EDN1: variants seen among roughly 807,000 people sequenced by gnomAD.
EDN1 encodes the protein endothelin 1, also known as endothelin-1.
In EDN1, 11 loss-of-function variants were observed where a neutral mutation model predicts 21.7. That is an observed-to-expected ratio of 0.51 (90% CI 0.32 to 0.84). The LOEUF (loss-of-function observed/expected upper bound fraction) is 0.84, where lower values mean the gene tolerates loss of function less well. Among genes scored for constraint, EDN1 ranks in the 40% least tolerant of loss-of-function variants. The pLI is 0.03. For missense variants in EDN1, 244 were observed against 262.3 expected (o/e 0.93, Z 0.48); for synonymous variants, 85 against 90.6 (o/e 0.94, Z 0.35).
chr6:12,295,681 C>T (rs1369527630), intron 4 of EDN1, among the ~76,000 whole-genome samples: 1 of 152,120 alleles, frequency 6.6e-6, no homozygotes, highest in African/African-American at 2.4e-5. Flanking sequence ...ACGGAAGAAA[C>T]CAGAACAACT....
At chr6:12,258,071 G>C in the EDN1 span, among the ~76,000 whole-genome samples, 1 of 152,074 alleles carries the variant, frequency 6.6e-6, no homozygotes, top group Non-Finnish European at 1.5e-5. Flanking sequence ...TGCTTTGGAA[G>C]AAATGCTGCA....
the EDN1 span, among the ~76,000 whole-genome samples, chr6:12,247,138 G>A: frequency 6.6e-6 from 1 of 152,214 alleles, no homozygotes. Context: ...TTGTCATGTC[G>A]GCTGTGTAAA....
At chr6:12,287,787 G>A (rs1454498400), upstream of EDN1, among the ~76,000 whole-genome samples, 10 of 145,924 alleles carry the variant, frequency 6.9e-5, no homozygotes, top group Non-Finnish European at 1.2e-4. Flanking sequence ...CACACGTCTT[G>A]CAAATTCAGG....
chr6:12,283,529 C>T, the EDN1 span, among the ~76,000 whole-genome samples: 30,757 of 151,980 alleles, frequency 0.2, 3,379 homozygotes, highest in South Asian at 0.33. Context: ...CTTTTAATGG[C>T]GACACAGTCC....
chr6:12,259,269 G>T, the EDN1 span, among the ~76,000 whole-genome samples: 2 of 151,788 alleles, frequency 1.3e-5, no homozygotes, highest in African/African-American at 4.8e-5. Context: ...CAAATATAAT[G>T]CTAGGAAACC....
At chr6:12,284,327 A>T in the EDN1 span, among the ~76,000 whole-genome samples, 1 of 152,124 alleles carries the variant, frequency 6.6e-6, no homozygotes, top group Non-Finnish European at 1.5e-5. Flanking sequence ...ATTTTGCTTA[A>T]TTTTTTGCCA....
the EDN1 span, among the ~76,000 whole-genome samples, chr6:12,272,288 G>C: frequency 6.6e-6 from 1 of 152,058 alleles, no homozygotes; most frequent in South Asian, 2.1e-4. Flanking sequence ...CAGATATAGG[G>C]TGAGGAGTGG....
intron 2 of EDN1, 83 bp from the exon 3 acceptor site, chr6:12,293,858 C>T: frequency 3.3e-6 from 5 of 1,496,142 alleles, no homozygotes; most frequent in Non-Finnish European, 4.6e-6. Context: ...TCCTTGTGTG[C>T]CCAGTGGAAT....
In EDN1 at chr6:12,292,413, GGCTCCGCCGGTCCAAGCGCT is replaced by G. The variant is rs770796983; in HGVS notation, c.143_162del (p.Arg48LeufsTer7). ...AAACCCACTCCCAGTCCACCCTGGC[GGCTCCGCCGGTCCAAGCGCT>G]GCTCCTGCTCGTCCCTGATGGATAA... On this transcript the variant is annotated frameshift_variant, in exon 2 of 5. Transcript: ENST00000379375. LOFTEE classifies it high-confidence loss of function. The G allele has an allele frequency of 6.2e-7, 1 of 1,614,172 alleles. No homozygotes were observed.
At chr6:12,272,025 G>T in the EDN1 span, among the ~76,000 whole-genome samples, 1 of 152,128 alleles carries the variant, frequency 6.6e-6, no homozygotes, top group Non-Finnish European at 1.5e-5. Context: ...AAATGACTAA[G>T]CTAGAAAGAG....
At chr6:12,249,438 T>C in the EDN1 span, among the ~76,000 whole-genome samples, 67 of 151,752 alleles carry the variant, frequency 4.4e-4, no homozygotes, top group African/African-American at 1.6e-3. Context: ...TTGGTTGATT[T>C]CTGAAAAGTA....
chr6:12,271,785 T>C, the EDN1 span, among the ~76,000 whole-genome samples: 1 of 152,222 alleles, frequency 6.6e-6, no homozygotes, highest in African/African-American at 2.4e-5. Flanking sequence ...CAGCTTTTGC[T>C]TGTCTGAGAA....
chr6:12,242,109 C>T, the EDN1 span, among the ~76,000 whole-genome samples: 1 of 152,188 alleles, frequency 6.6e-6, no homozygotes, highest in African/African-American at 2.4e-5. Flanking sequence ...AAAGCTGTTT[C>T]ACTTCAGGTG....
chr6:12,247,556 T>C, the EDN1 span, among the ~76,000 whole-genome samples: 1 of 147,044 alleles, frequency 6.8e-6, no homozygotes, highest in East Asian at 2.0e-4. Context: ...TTTTTTTTTT[T>C]TGGAGACAGT....
chr6:12,246,016 A>G, the EDN1 span, among the ~76,000 whole-genome samples: 1 of 58,174 alleles, frequency 1.7e-5, no homozygotes, highest in Non-Finnish European at 4.1e-5. Context: ...ATTTTACCCC[A>G]CAAAGGCAGA....
the EDN1 span, among the ~76,000 whole-genome samples, chr6:12,281,524 A>G: frequency 1.3e-5 from 2 of 152,244 alleles, no homozygotes; most frequent in Non-Finnish European, 2.9e-5. Flanking sequence ...AGGCAGAGAG[A>G]GGCTAAGTGC....
chr6:12,242,849 T>C, the EDN1 span, among the ~76,000 whole-genome samples: 4 of 152,232 alleles, frequency 2.6e-5, no homozygotes, highest in African/African-American at 4.8e-5. Flanking sequence ...ATGATTCTCA[T>C]GAAGGCTGTT....
At chr6:12,251,631 C>T in the EDN1 span, among the ~76,000 whole-genome samples, 1,715 of 152,294 alleles carry the variant, frequency 0.011, 26 homozygotes, top group African/African-American at 0.04. Flanking sequence ...AACACTAAAA[C>T]TCCCTCCACT....
the EDN1 span, among the ~76,000 whole-genome samples, chr6:12,238,451 G>A: frequency 1.3e-5 from 2 of 152,172 alleles, no homozygotes; most frequent in Non-Finnish European, 2.9e-5. Flanking sequence ...AGGCACCATA[G>A]GACAGGAAGA....
Sources: allele counts gnomAD v4.1 joint callset (sites outside exome capture counted in the v4.1 genomes callset), GRCh38; gene constraint gnomAD v4.1.1; transcripts MANE v1.5; gene names NCBI Gene and HGNC (gene_info 2026-07-23, HGNC 2026-07-21).